Variants in RAB15 observed in about 807,000 individuals in gnomAD.
RAB15 encodes the protein RAB15, member RAS oncogene family.
In RAB15, 13 loss-of-function variants were observed where a neutral mutation model predicts 31.8. The observed-to-expected ratio is 0.41, with a 90% CI of 0.27 to 0.65. RAB15 has a LOEUF of 0.65. Ranked by LOEUF, RAB15 falls within the 30% of genes least tolerant of loss-of-function variation. The probability of loss-of-function intolerance (pLI) is 0.32; values close to 1 mark genes in which losing one functional copy is unlikely to be tolerated. For missense variants in RAB15, 220 were observed against 277.3 expected, an observed-to-expected ratio of 0.79 and a Z score of 1.47; for synonymous variants, 100 against 105.6, an observed-to-expected ratio of 0.95 and a Z score of 0.33.
At chr14:64,949,568 A>G (rs1886115251) in intron 5 of RAB15, among the ~76,000 whole-genome samples, 1 of 151,856 alleles carries the variant, frequency 6.6e-6, no homozygotes, top group African/African-American at 2.4e-5. Flanking sequence ...TAAAAATACA[A>G]AAAAATTAGC....
Position 64,948,189 on chromosome 14 carries a change from G to T in RAB15, c.*165C>A. On this transcript the variant is annotated 3_prime_UTR_variant, in exon 7 of 7. Coordinates refer to ENST00000533601, the MANE Select transcript of RAB15 (RefSeq NM_001308154.2). The surrounding 1 kb of genome is among the most constrained non-coding windows in gnomAD (Gnocchi z 7.0). ...GCTGGGGACAGGGGCTGCTTGAGAT[G>T]ACAGCAGAGCCGCTCTCAGGGCCAG... The T allele has an allele frequency of 1.5e-6, 1 of 687,634 alleles. No individual in the cohort carries two copies. Among genetic ancestry groups the T allele is most frequent in the Non-Finnish European group, 2.3e-6 (1 of 444,212 alleles). 42.6% of individuals were successfully genotyped at this position (687,634 alleles called of 1,614,324 possible). A position where few individuals can be genotyped will look rare whatever the true frequency, so the allele number is the denominator to read the frequency against.
At chr14:64,967,660 C>T (rs1321154701) in intron 1 of RAB15, among the ~76,000 whole-genome samples, 3 of 152,036 alleles carry the variant, frequency 2.0e-5, no homozygotes, top group East Asian at 1.9e-4. Flanking sequence ...TTGTGGTTTA[C>T]ATCATCTCAC....
At position 64,948,115 on chromosome 14, in the gene RAB15, G is replaced by A. The variant is rs1293662298; in HGVS notation, c.*239C>T. Reference sequence around the variant, plus strand: ...CGGCACATCGTGGGGGTCGTAGCAGGCCTGTGGCTGGGGAAACAGGCTGAA... The same window carrying A: ...CGGCACATCGTGGGGGTCGTAGCAGACCTGTGGCTGGGGAAACAGGCTGAA... On this transcript the variant is annotated 3_prime_UTR_variant, in exon 7 of 7. Coordinates refer to ENST00000533601, the MANE Select transcript of RAB15 (RefSeq NM_001308154.2). The surrounding 1 kb of genome is among the most constrained non-coding windows in gnomAD (Gnocchi z 7.0). The A allele has an allele frequency of 4.4e-6, 2 of 457,504 alleles. No homozygotes were observed. Among genetic ancestry groups the A allele is most frequent in the African/African-American group, 2.0e-5 (1 of 49,650 alleles). The allele number at this position is 457,504 out of a possible 1,614,324, so 28.3% of individuals were successfully genotyped here. A position where few individuals can be genotyped will look rare whatever the true frequency, so the allele number is the denominator to read the frequency against.
In RAB15 at chr14:64,968,889, G is replaced by A. The variant is rs1165462193; in HGVS notation, c.124+3064C>T. 6.6e-6 allele frequency among the ~76,000 whole-genome samples: 1 copy of A among 152,242 alleles called. No homozygotes were observed. The highest frequency in any genetic ancestry group is 1.5e-5 in the Non-Finnish European group (1 of 68,036). On this transcript the variant is annotated intron_variant, in intron 1 of 6. Transcript: ENST00000533601. The surrounding 1 kb of genome is among the most constrained non-coding windows in gnomAD (Gnocchi z 4.9). The stretch of plus-strand genomic sequence containing the variant: ...GTCTGCTGGCCAGAAAGACGAAAAG[G>A]ATAGGGGGAGGGACAGTCAGTGTCT...
At position 64,950,184 on chromosome 14, in the gene RAB15, A is replaced by G; in HGVS notation, c.414+141T>C. 1 of 727,596 alleles carries G rather than the reference A, an allele frequency of 1.4e-6. No homozygotes were observed. The highest frequency in any genetic ancestry group is 2.4e-6 in the Non-Finnish European group (1 of 408,648). The allele number at this position is 727,596 out of a possible 1,614,324, so 45.1% of individuals were successfully genotyped here. A position where few individuals can be genotyped will look rare whatever the true frequency, so the allele number is the denominator to read the frequency against. On this transcript the variant is annotated intron_variant, in intron 5 of 6. Transcript: ENST00000533601. This position sits in a 1 kb window ranked among gnomAD's most constrained non-coding sequence, Gnocchi z 5.6. ...GACAACAAGCCTTCCGAGGATGGCC[A>G]CTCCCCCAGGGCCTTGGGGTGCTGG...
chr14:64,966,629 A>G (rs1887157613), intron 1 of RAB15, among the ~76,000 whole-genome samples: 1 of 152,202 alleles, frequency 6.6e-6, no homozygotes, highest in Non-Finnish European at 1.5e-5. Flanking sequence ...GCTAGGCTCT[A>G]TAATCTTCAC....
At chr14:64,964,999 A>G (rs902048280) in intron 1 of RAB15, among the ~76,000 whole-genome samples, 1 of 151,814 alleles carries the variant, frequency 6.6e-6, no homozygotes, top group African/African-American at 2.4e-5. Flanking sequence ...AGGCTGGAGT[A>G]CAGTGGTGTG....
intron 1 of RAB15, among the ~76,000 whole-genome samples, chr14:64,964,799 A>T (rs1887044265): frequency 6.6e-6 from 1 of 151,534 alleles, no homozygotes; most frequent in Non-Finnish European, 1.5e-5. Flanking sequence ...CTGGTCTCAA[A>T]CTCCTGACCT....
chr14:64,961,238 C>T (rs181673932), intron 1 of RAB15, among the ~76,000 whole-genome samples: 106 of 152,336 alleles, frequency 7.0e-4, no homozygotes, highest in African/African-American at 2.4e-3. Flanking sequence ...CTGCAGGAAA[C>T]CAGCATGTGT....
At chr14:64,960,833 C>A (rs371416910) in intron 1 of RAB15, among the ~76,000 whole-genome samples, 46 of 152,224 alleles carry the variant, frequency 3.0e-4, no homozygotes, top group African/African-American at 1.1e-3. Context: ...CAGCACTTGG[C>A]TGGAATGTTT....
intron 1 of RAB15, among the ~76,000 whole-genome samples, chr14:64,957,537 T>C (rs1027876556): frequency 5.3e-5 from 8 of 152,222 alleles, no homozygotes; most frequent in African/African-American, 1.9e-4. Context: ...CTACTCACTC[T>C]TCTGCACAAG....
rs1187139973 is a variant in RAB15 at position 64,950,410 on chromosome 14, G to A, written c.329C>T (p.Ala110Val). 24 of 1,613,594 alleles carry A rather than the reference G, an allele frequency of 1.5e-5. No individual in the cohort carries two copies. The highest frequency in any genetic ancestry group is 2.0e-5 in the Non-Finnish European group (24 of 1,179,556). ...AAGGATCTTCTGGACGCCTTCTGGTGCGTACTAGGGACAAAGGATGGGCAG... is the reference window on the plus strand; with the variant it reads ...AAGGATCTTCTGGACGCCTTCTGGTACGTACTAGGGACAAAGGATGGGCAG... ...MKWVSDVDEY[A>V]PEGVQKILIG... The change falls in exon 5 of 7, where the codon GCA becomes GTA. Residue 110 changes from alanine to valine, a missense_variant. Transcript: ENST00000533601. This position sits in a 1 kb window ranked among gnomAD's most constrained non-coding sequence, Gnocchi z 5.6.
chr14:64,961,927 A>C (rs1049983844), intron 1 of RAB15, among the ~76,000 whole-genome samples: 3 of 151,124 alleles, frequency 2.0e-5, no homozygotes, highest in African/African-American at 4.9e-5. Flanking sequence ...AAAAAAAAAA[A>C]AAACAGGCCG....
chr14:64,958,629 C>T lies in RAB15; in HGVS notation c.125-6058G>A, dbSNP rs1886699546. Among the ~76,000 whole-genome samples the T allele has an allele frequency of 6.6e-6, 1 of 152,180 alleles. No homozygotes were observed. Among genetic ancestry groups the T allele is most frequent in the African/African-American group, 2.4e-5 (1 of 41,434 alleles). ...GATTCCAGTAAGTCCAGATTCATCACCCCGACAGTGTCCCTACAAAACAGT... is the reference window on the plus strand; with the variant it reads ...GATTCCAGTAAGTCCAGATTCATCATCCCGACAGTGTCCCTACAAAACAGT... On this transcript the variant is annotated intron_variant, in intron 1 of 6. Coordinates refer to ENST00000533601, the MANE Select transcript of RAB15 (RefSeq NM_001308154.2). This position sits in a 1 kb window ranked among gnomAD's most constrained non-coding sequence, Gnocchi z 4.4.
rs1886285702 is a variant in RAB15, at chr14:64,952,088, C to G, written c.185+423G>C. Among the ~76,000 whole-genome samples the G allele has an allele frequency of 6.6e-6, 1 of 152,208 alleles. No individual in the cohort carries two copies. Among genetic ancestry groups the G allele is most frequent in the Non-Finnish European group, 1.5e-5 (1 of 68,032 alleles). ...GGCAAAGGCAGTGCTTCCAAGACCT[C>G]AGGCAGAGAGCCACAGCAGCACCCT... On this transcript the variant is annotated intron_variant, in intron 2 of 6. Transcript: ENST00000533601. The surrounding 1 kb of genome is among the most constrained non-coding windows in gnomAD (Gnocchi z 4.2).
Position 64,953,134 on chromosome 14 carries a change from C to T in RAB15, c.125-563G>A, listed in dbSNP as rs551923107. On this transcript the variant is annotated intron_variant, in intron 1 of 6. Transcript: ENST00000533601. The surrounding 1 kb of genome is among the most constrained non-coding windows in gnomAD (Gnocchi z 4.6). Reference sequence around the variant, plus strand: ...GGCTCACCAAAAAGAAGGCCTCATGCGTCTTGGTTGCTGACTCACTCATTC... The same window carrying T: ...GGCTCACCAAAAAGAAGGCCTCATGTGTCTTGGTTGCTGACTCACTCATTC... Among the ~76,000 whole-genome samples, 15 of 152,304 alleles carry T rather than the reference C, an allele frequency of 9.8e-5. No individual in the cohort carries two copies. Among genetic ancestry groups the T allele is most frequent in the South Asian group, 2.1e-4 (1 of 4,832 alleles).
intron 1 of RAB15, among the ~76,000 whole-genome samples, chr14:64,967,597 AATAG>A (rs1267865639): frequency 4.0e-5 from 6 of 151,394 alleles, no homozygotes; most frequent in South Asian, 2.1e-4. Context: ...AAAAAAAAAA[AATAG>A]AAAAGAAAAG....
intron 1 of RAB15, among the ~76,000 whole-genome samples, chr14:64,963,532 C>T (rs1306861074): frequency 1.3e-5 from 2 of 152,222 alleles, no homozygotes; most frequent in Non-Finnish European, 2.9e-5. Context: ...TGACCACTCA[C>T]TCCTCCAGCC....
At position 64,947,490 on chromosome 14, in the gene RAB15, A is replaced by G. The variant is rs1566840034; in HGVS notation, c.*864T>C. ...GTTCATGCTGCATGGGAGGTAGAGAATGGAGGTGACTTTTTATCCCTGCCA... is the reference window on the plus strand; with the variant it reads ...GTTCATGCTGCATGGGAGGTAGAGAGTGGAGGTGACTTTTTATCCCTGCCA... On this transcript the variant is annotated 3_prime_UTR_variant, in exon 7 of 7. Transcript: ENST00000533601. This position sits in a 1 kb window ranked among gnomAD's most constrained non-coding sequence, Gnocchi z 5.6. The G allele has an allele frequency of 6.6e-6, 1 of 152,648 alleles. No homozygotes were observed. Among genetic ancestry groups the G allele is most frequent in the Non-Finnish European group, 1.5e-5 (1 of 68,072 alleles). 9.5% of individuals were successfully genotyped at this position (152,648 alleles called of 1,614,324 possible). A position where few individuals can be genotyped will look rare whatever the true frequency, so the allele number is the denominator to read the frequency against.
Sources: allele counts gnomAD v4.1 joint callset (sites outside exome capture counted in the v4.1 genomes callset), GRCh38; gene constraint gnomAD v4.1.1; non-coding constraint Gnocchi (gnomAD v3.1); transcripts MANE v1.5; gene names NCBI Gene and HGNC (gene_info 2026-07-23, HGNC 2026-07-21).